The following MRPS18A variants were observed in gnomAD, a reference collection of about 807,000 sequenced individuals.
MRPS18A encodes large ribosomal subunit protein mL66.
A neutral mutation model predicts 22.7 loss-of-function variants in MRPS18A; 20 were observed. The observed-to-expected ratio is 0.88, with a 90% confidence interval of 0.62 to 1.28. The LOEUF is 1.28. Among genes scored for constraint, MRPS18A ranks in the 50% most tolerant of loss-of-function variants. The probability of loss-of-function intolerance (pLI) is 0.00; values close to 1 mark genes in which losing one functional copy is unlikely to be tolerated. For synonymous variants in MRPS18A, 106 were observed against 99.1 expected, an observed-to-expected ratio of 1.07 and a Z score of -0.41; for missense variants, 294 against 262.6, an observed-to-expected ratio of 1.12 and a Z score of -0.83.
intron 1 of MRPS18A, among the ~76,000 whole-genome samples, chr6:43,681,893 A>C (rs1774436590): frequency 6.6e-6 from 1 of 152,250 alleles, no homozygotes; most frequent in Non-Finnish European, 1.5e-5. Flanking sequence ...TGTCAGGCTG[A>C]ATACATTTCC....
chr6:43,672,256 G>A (rs1773760416), intron 5 of MRPS18A: 1 of 434,430 alleles, frequency 2.3e-6, no homozygotes, highest in Non-Finnish European at 4.7e-6. Context: ...CAGCCATGGG[G>A]CGAGAAGAGC....
chr6:43,672,888 G>A (rs971605316), intron 5 of MRPS18A, among the ~76,000 whole-genome samples: 1 of 152,064 alleles, frequency 6.6e-6, no homozygotes, highest in African/African-American at 2.4e-5. Flanking sequence ...CTCCAAGTGT[G>A]TGCTGGGCAG....
In MRPS18A at chr6:43,672,251, A is replaced by G. The variant is rs997296354; in HGVS notation, c.447-345T>C. ...AGATCATTCCTCTCTGGCCTCAGCCATGGGGCGAGAAGAGCTGATGTAAGG... is the reference window on the plus strand; with the variant it reads ...AGATCATTCCTCTCTGGCCTCAGCCGTGGGGCGAGAAGAGCTGATGTAAGG... On this transcript the variant is annotated intron_variant, in intron 5 of 5. Coordinates refer to ENST00000372133, the MANE Select transcript of MRPS18A (RefSeq NM_018135.4). 6.9e-6 allele frequency: 3 copies of G among 433,552 alleles called. No individual in the cohort carries two copies. In the Admixed American group the frequency reaches 9.3e-5, roughly 13 times the overall value. 26.9% of individuals were successfully genotyped at this position (433,552 alleles called of 1,614,324 possible).
intron 1 of MRPS18A, 27 bp from the exon 2 acceptor site, chr6:43,681,147 G>C (rs776492725): frequency 3.6e-5 from 58 of 1,607,924 alleles, no homozygotes; most frequent in Non-Finnish European, 4.8e-5. Flanking sequence ...GGAAACATTA[G>C]GTCAGCCATT....
chr6:43,672,348 G>T (rs1773770906), intron 5 of MRPS18A: 1 of 472,782 alleles, frequency 2.1e-6, no homozygotes, highest in South Asian at 1.5e-5. Flanking sequence ...ACTCCCCAGG[G>T]TACTATAACT....
At chr6:43,682,016 G>A (rs1030694972) in intron 1 of MRPS18A, among the ~76,000 whole-genome samples, 1 of 152,216 alleles carries the variant, frequency 6.6e-6, no homozygotes, top group Non-Finnish European at 1.5e-5. Context: ...AAAGATAGAA[G>A]CCAGACTGGG....
chr6:43,671,590 T>G lies in MRPS18A; in HGVS notation c.*172A>C. ...CCTCTAGCTCCCAGCATTGCTACTGTGCAGGCCAAGGGTACTGAAGTTAGT... is the reference window on the plus strand; with the variant it reads ...CCTCTAGCTCCCAGCATTGCTACTGGGCAGGCCAAGGGTACTGAAGTTAGT... On this transcript the variant is annotated 3_prime_UTR_variant, in exon 6 of 6. Coordinates refer to ENST00000372133, the MANE Select transcript of MRPS18A (RefSeq NM_018135.4). The G allele has an allele frequency of 1.4e-6, 1 of 725,076 alleles. No individual in the cohort carries two copies. The highest frequency in any genetic ancestry group is 2.3e-6 in the Non-Finnish European group (1 of 441,180). 44.9% of individuals were successfully genotyped at this position (725,076 alleles called of 1,614,324 possible). A position where few individuals can be genotyped will look rare whatever the true frequency, so the allele number is the denominator to read the frequency against.
At chr6:43,677,933 A>G (rs1774151442) in intron 3 of MRPS18A, among the ~76,000 whole-genome samples, 1 of 152,140 alleles carries the variant, frequency 6.6e-6, no homozygotes, top group South Asian at 2.1e-4. Context: ...TAGCTCCAAT[A>G]CAGAACGACA....
At position 43,675,565 on chromosome 6, in the gene MRPS18A, C is replaced by T. The variant is rs542654147; in HGVS notation, c.305G>A (p.Arg102Gln). 2.0e-5 allele frequency: 33 copies of T among 1,613,930 alleles called. No homozygotes were observed. The highest frequency in any genetic ancestry group is 4.0e-5 in the African/African-American group (3 of 75,020). Residue 102 changes from arginine (R) to glutamine (Q), a missense_variant, in exon 4 of 6, where the codon CGA (arginine) becomes CAA (glutamine). Arg to Gln is a conservative substitution (Grantham distance 43). Coordinates refer to ENST00000372133, the MANE Select transcript of MRPS18A (RefSeq NM_018135.4). The stretch of plus-strand genomic sequence containing the variant: ...TTCCTGGCATAGGCCTGTGATCTTT[C>T]GGGGCAGCATGCCTCCATGAGGCCG... Reference protein sequence around the residue: ...FIRPHGGMLPRKITGLCQEEH... With the variant: ...FIRPHGGMLPQKITGLCQEEH...
intron 3 of MRPS18A, among the ~76,000 whole-genome samples, chr6:43,677,984 G>A (rs1006211829): frequency 3.3e-5 from 5 of 152,142 alleles, no homozygotes; most frequent in African/African-American, 1.2e-4. Context: ...CCAAGAGCCT[G>A]TTCAAATACA....
intron 1 of MRPS18A, among the ~76,000 whole-genome samples, chr6:43,683,685 G>T (rs1451205956): frequency 6.6e-6 from 1 of 152,126 alleles, no homozygotes. Context: ...GGAACTAAGG[G>T]CCAAAATCTT....
At chr6:43,681,030 G>A (rs561233633) in intron 2 of MRPS18A, 59 bp downstream of exon 2, 1 of 1,565,936 alleles carries the variant, frequency 6.4e-7, no homozygotes, top group South Asian at 1.1e-5. Context: ...CCTCAGAGGA[G>A]CGGCCAGGCA....
At chr6:43,677,827 G>A (rs1774144525) in intron 3 of MRPS18A, among the ~76,000 whole-genome samples, 1 of 152,082 alleles carries the variant, frequency 6.6e-6, no homozygotes, top group South Asian at 2.1e-4. Flanking sequence ...GCCCGACAGA[G>A]TATGCACTCA....
chr6:43,673,822 G>A lies in MRPS18A; in HGVS notation c.446+1380C>T, dbSNP rs72859038. On this transcript the variant is annotated intron_variant, in intron 5 of 5. Coordinates refer to ENST00000372133, the MANE Select transcript of MRPS18A (RefSeq NM_018135.4). This position sits in a 1 kb window ranked among gnomAD's most constrained non-coding sequence, Gnocchi z 4.2. ...CTTCGTAGCCTGAACTCCCCCTCCC[G>A]CTCAGCGTGGCCTTTTGCAACCGAC... is the stretch of plus-strand genomic sequence containing the variant. Among the ~76,000 whole-genome samples, 1 of 152,272 alleles carries A rather than the reference G, an allele frequency of 6.6e-6. No homozygotes were observed. The highest frequency in any genetic ancestry group is 2.4e-5 in the African/African-American group (1 of 41,568).
At chr6:43,680,653 T>C (rs1033688540) in intron 2 of MRPS18A, among the ~76,000 whole-genome samples, 1 of 152,228 alleles carries the variant, frequency 6.6e-6, no homozygotes, top group Admixed American at 6.5e-5. Flanking sequence ...GCCGGGAGAA[T>C]GTCACTTTTT....
chr6:43,676,454 T>C (rs1006371398), intron 3 of MRPS18A, among the ~76,000 whole-genome samples: 1 of 152,190 alleles, frequency 6.6e-6, no homozygotes, highest in Non-Finnish European at 1.5e-5. Context: ...TAATCTCACA[T>C]GATCTAGGCC....
intron 3 of MRPS18A, among the ~76,000 whole-genome samples, chr6:43,675,932 C>T (rs1258818032): frequency 6.6e-6 from 1 of 152,016 alleles, no homozygotes; most frequent in East Asian, 1.9e-4. Flanking sequence ...CGGGTCACTG[C>T]AATCTCTGCC....
chr6:43,683,247 G>A (rs980588192), intron 1 of MRPS18A, among the ~76,000 whole-genome samples: 1 of 152,100 alleles, frequency 6.6e-6, no homozygotes. Flanking sequence ...GAAGCCAGTG[G>A]GTAAAACAAT....
chr6:43,686,900 C>A (rs16896658), intron 1 of MRPS18A, among the ~76,000 whole-genome samples: 1 of 152,084 alleles, frequency 6.6e-6, no homozygotes, highest in African/African-American at 2.4e-5. Context: ...CTGGGTTTGC[C>A]GTTTCCAGTA....
Sources: allele counts gnomAD v4.1 joint callset (sites outside exome capture counted in the v4.1 genomes callset), GRCh38; gene constraint gnomAD v4.1.1; non-coding constraint Gnocchi (gnomAD v3.1); transcripts MANE v1.5; gene names NCBI Gene and HGNC (gene_info 2026-07-23, HGNC 2026-07-21).